Variants in MED17 observed in about 807,000 individuals in gnomAD.
The protein encoded by MED17 is mediator of RNA polymerase II transcription subunit 17.
In MED17, 49 loss-of-function variants were observed where a neutral mutation model predicts 80.8. That is an observed-to-expected ratio of 0.61 (90% CI 0.48 to 0.77). MED17 has a LOEUF of 0.77. Ranked by LOEUF, MED17 falls within the 30% of genes least tolerant of loss-of-function variation. The pLI is 0.00. For missense variants in MED17, 718 were observed against 787.0 expected (o/e 0.91, Z 1.05); for synonymous variants, 281 against 280.4 (o/e 1.00, Z -0.02).
chr11:93,788,030 C>T lies in MED17; in HGVS notation c.280C>T (p.Pro94Ser). ...GGTAAAATTTCAGCCTTCCCTTTGG[C>T]CTTGGGACTCAGTGAGGAACAATTT... ...GVVKFQPSLW[P>S]WDSVRNNLRS... The change falls in exon 2 of 12, where the codon CCT becomes TCT. Residue 94 changes from proline (P) to serine (S), a missense_variant. Pro to Ser is a moderately conservative substitution (Grantham distance 74). Coordinates refer to ENST00000251871, the MANE Select transcript of MED17 (RefSeq NM_004268.5). The T allele has an allele frequency of 6.2e-7, 1 of 1,613,826 alleles. No individual in the cohort carries two copies. Among genetic ancestry groups the T allele is most frequent in the African/African-American group, 1.3e-5 (1 of 74,944 alleles).
rs1943903739 is a variant in MED17, at chr11:93,796,524, A to G, written c.1127A>G (p.His376Arg). 1 of 1,614,156 alleles carries G rather than the reference A, an allele frequency of 6.2e-7. No individual in the cohort carries two copies. The highest frequency in any genetic ancestry group is 1.1e-5 in the South Asian group (1 of 91,086). Residue 376 changes from histidine (H) to arginine (R), a missense_variant, in exon 7 of 12, where the codon CAT becomes CGT. Coordinates refer to ENST00000251871, the MANE Select transcript of MED17 (RefSeq NM_004268.5). ...DHLYVLEHNLHLLIREFHKQT... is the reference protein window; with the variant it reads ...DHLYVLEHNLRLLIREFHKQT... ...CTTTATGTCCTAGAGCATAATTTGCATCTACTGATTAGAGAGGTAAGGAAA... is the reference window on the plus strand; with the variant it reads ...CTTTATGTCCTAGAGCATAATTTGCGTCTACTGATTAGAGAGGTAAGGAAA...
chr11:93,804,006 T>C (rs1943994922), intron 9 of MED17, among the ~76,000 whole-genome samples: 1 of 7,190 alleles, frequency 1.4e-4, no homozygotes, highest in East Asian at 3.8e-3. Context: ...TGTGTATATA[T>C]ATATATATAT....
At chr11:93,803,952 G>T (rs1943989714) in intron 9 of MED17, among the ~76,000 whole-genome samples, 1 of 147,678 alleles carries the variant, frequency 6.8e-6, no homozygotes, top group Non-Finnish European at 1.5e-5. Context: ...CAGAACTAAT[G>T]GAATGTGTAT....
chr11:93,787,647 G>C (rs1423875372), intron 1 of MED17, among the ~76,000 whole-genome samples: 1 of 152,014 alleles, frequency 6.6e-6, no homozygotes, highest in African/African-American at 2.4e-5. Context: ...TTTTCATTTT[G>C]TACTTTTCTG....
In MED17 at chr11:93,796,468, T is replaced by A. The variant is rs35313315; in HGVS notation, c.1071T>A (p.Phe357Leu). 2,550 of 1,613,832 alleles carry A rather than the reference T, an allele frequency of 1.6e-3. 29 individuals carry two copies. In the African/African-American group the frequency reaches 0.029, roughly 18 times the overall value. Reference protein sequence around the residue: ...HSSNDKKSQKFATEKQCPEDH... With the variant: ...HSSNDKKSQKLATEKQCPEDH... ...CAAATGATAAGAAATCCCAAAAATT[T>A]GCTACTGAGAAGCAATGTCCGGAGG... is the stretch of plus-strand genomic sequence containing the variant. The change falls in exon 7 of 12, where the codon TTT becomes TTA. Residue 357 changes from phenylalanine (F) to leucine (L), a missense_variant. Phe to Leu is a conservative substitution (Grantham distance 22). Transcript: ENST00000251871.
In MED17 at chr11:93,798,199, A is replaced by G. The variant is rs531419540; in HGVS notation, c.1328+480A>G. Among the ~76,000 whole-genome samples, 22 of 152,340 alleles carry G rather than the reference A, an allele frequency of 1.4e-4. No homozygotes were observed. In the East Asian group the frequency reaches 4.2e-3, roughly 29 times the overall value. On this transcript the variant is annotated intron_variant, in intron 8 of 11. Coordinates refer to ENST00000251871, the MANE Select transcript of MED17 (RefSeq NM_004268.5). Reference sequence around the variant, plus strand: ...CTTAAAGAAGTTATGCACCTTGCTCAAGGTTACACAGCTAAAAAGTTGCAG... The same window carrying G: ...CTTAAAGAAGTTATGCACCTTGCTCGAGGTTACACAGCTAAAAAGTTGCAG...
intron 3 of MED17, among the ~76,000 whole-genome samples, chr11:93,791,224 C>CA (rs1239197873): frequency 6.6e-5 from 10 of 152,312 alleles, no homozygotes; most frequent in Admixed American, 4.6e-4. Flanking sequence ...TCATATAAGC[C>CA]AAAACCACTC....
At position 93,784,926 on chromosome 11, in the gene MED17, C is replaced by T. The variant is rs186160872; in HGVS notation, c.250+163C>T. ...TTGGTCGTCATCTTTTTGTTGCTGC[C>T]GGACAAGGTAGGACACGACTTTACG... is the stretch of plus-strand genomic sequence containing the variant. On this transcript the variant is annotated intron_variant, in intron 1 of 11. Coordinates refer to ENST00000251871, the MANE Select transcript of MED17 (RefSeq NM_004268.5). The T allele has an allele frequency of 2.6e-3, 2,718 of 1,062,176 alleles. 21 individuals carry two copies. The highest frequency in any genetic ancestry group is 2.0e-3 in the Non-Finnish European group (1,535 of 752,130). 65.8% of individuals were successfully genotyped at this position (1,062,176 alleles called of 1,614,324 possible).
Position 93,794,208 on chromosome 11 carries a change from T to G in MED17, c.859+173T>G, listed in dbSNP as rs1313544723. On this transcript the variant is annotated intron_variant, in intron 5 of 11. Transcript: ENST00000251871. ...AGTGAATAGCTGTGCAATTTTTTTT[T>G]TTTTTTTTTTTTTGAGACCAAGTTT... 6 of 512,232 alleles carry G rather than the reference T, an allele frequency of 1.2e-5. No individual in the cohort carries two copies. In the East Asian group the frequency reaches 2.0e-4, roughly 17 times the overall value. The allele number at this position is 512,232 out of a possible 1,614,324, so 31.7% of individuals were successfully genotyped here.
At chr11:93,805,975 C>CT (rs71064787) in intron 9 of MED17, 1,821 of 65,110 alleles carry the variant, frequency 0.028, 37 homozygotes, top group African/African-American at 0.043. Context: ...GACCCTGTCT[C>CT]TTTTTTTTTT....
rs143600489 is a variant in MED17, at chr11:93,789,305, T to A, written c.417+1138T>A. The A allele has an allele frequency of 5.3e-5, 8 of 152,282 alleles. No homozygotes were observed. In the East Asian group the frequency reaches 1.5e-3, roughly 29 times the overall value. 9.4% of individuals were successfully genotyped at this position (152,282 alleles called of 1,614,324 possible). A position where few individuals can be genotyped will look rare whatever the true frequency, so the allele number is the denominator to read the frequency against. On this transcript the variant is annotated intron_variant, in intron 2 of 11. Coordinates refer to ENST00000251871, the MANE Select transcript of MED17 (RefSeq NM_004268.5). ...AGAGAAAACTAAAGCTTAAAGAGAT[T>A]TGTAATATGTTCAAGTTGCTGTCAA...
At chr11:93,802,914 C>T (rs1034653817) in intron 9 of MED17, among the ~76,000 whole-genome samples, 5 of 152,148 alleles carry the variant, frequency 3.3e-5, no homozygotes, top group African/African-American at 1.2e-4. Flanking sequence ...TTTTGGCCTA[C>T]CTTTTGAGCC....
intron 8 of MED17, among the ~76,000 whole-genome samples, chr11:93,799,677 G>A (rs1943941423): frequency 6.6e-6 from 1 of 152,236 alleles, no homozygotes; most frequent in Non-Finnish European, 1.5e-5. Flanking sequence ...TTGGGAGGCT[G>A]AGGCTGGAGG....
At chr11:93,798,899 TA>T (rs1943933316) in intron 8 of MED17, among the ~76,000 whole-genome samples, 1 of 152,204 alleles carries the variant, frequency 6.6e-6, no homozygotes, top group East Asian at 1.9e-4. Flanking sequence ...ACCATAAATT[TA>T]AATATTCCCC....
At chr11:93,784,800 G>C in intron 1 of MED17, 37 bp downstream of exon 1, 1 of 1,533,348 alleles carries the variant, frequency 6.5e-7, no homozygotes, top group Non-Finnish European at 8.7e-7. Flanking sequence ...CCCCCGGTCT[G>C]GGTCCCAGCA....
chr11:93,796,602 C>T, intron 7 of MED17, 62 bp downstream of exon 7: 1 of 1,574,476 alleles, frequency 6.4e-7, no homozygotes, highest in Non-Finnish European at 8.7e-7. Flanking sequence ...TGAGTATGCA[C>T]AAAGCTCCTC....
In MED17 at chr11:93,800,757, C is replaced by T. The variant is rs530698580; in HGVS notation, c.1329-1078C>T. On this transcript the variant is annotated intron_variant, in intron 8 of 11. Coordinates refer to ENST00000251871, the MANE Select transcript of MED17 (RefSeq NM_004268.5). ...GTTCAAGTGATCTTCCTGCCTTAGT[C>T]TTTTGAGTAGCAGGGACTACTCGTG... is the stretch of plus-strand genomic sequence containing the variant. The T allele has an allele frequency of 2.6e-5, 4 of 151,962 alleles. No homozygotes were observed. The East Asian group carries it at 7.7e-4, about 29-fold the overall frequency. The allele number at this position is 151,962 out of a possible 1,614,324, so 9.4% of individuals were successfully genotyped here.
At chr11:93,795,186 G>T in intron 6 of MED17, 126 bp downstream of exon 6, 2 of 1,014,674 alleles carry the variant, frequency 2.0e-6, no homozygotes, top group South Asian at 2.6e-5. Flanking sequence ...GCTATCCATA[G>T]TGACAGCCAG....
At position 93,812,149 on chromosome 11, in the gene MED17, A is replaced by C. The variant is rs1944091519; in HGVS notation, c.*85A>C. 8.5e-7 allele frequency: 1 copy of C among 1,172,016 alleles called. No individual in the cohort carries two copies. Among genetic ancestry groups the C allele is most frequent in the Non-Finnish European group, 1.3e-6 (1 of 783,642 alleles). The allele number at this position is 1,172,016 out of a possible 1,614,324, so 72.6% of individuals were successfully genotyped here. A position where few individuals can be genotyped will look rare whatever the true frequency, so the allele number is the denominator to read the frequency against. ...TCAACTATAAGCACAAAGAAGAGAT[A>C]ACTTCCAAAAGAGTGCTGTTTTTAA... On this transcript the variant is annotated 3_prime_UTR_variant, in exon 12 of 12. Coordinates refer to ENST00000251871, the MANE Select transcript of MED17 (RefSeq NM_004268.5).
Sources: gnomAD v4.1 joint callset for allele counts (sites outside exome capture counted in the v4.1 genomes callset) on GRCh38, gnomAD v4.1.1 for gene constraint, MANE v1.5 for transcripts, NCBI Gene and HGNC (gene_info 2026-07-23, HGNC 2026-07-21) for gene names.